Variants in ATP10B observed in about 807,000 individuals in gnomAD.
The protein encoded by ATP10B is phospholipid-transporting ATPase VB.
A neutral mutation model predicts 141.2 loss-of-function variants in ATP10B; 122 were observed. The ratio of observed to expected loss-of-function variants is 0.86; its 90% CI spans 0.75 to 1.00. The LOEUF (loss-of-function observed/expected upper bound fraction) is 1.00. ATP10B is among the 50% of genes least tolerant of loss of function. The probability of loss-of-function intolerance (pLI) is 0.00; values close to 1 mark genes in which losing one functional copy is unlikely to be tolerated. For missense variants in ATP10B, 1,876 were observed against 1,825.3 expected (o/e 1.03, Z -0.51); for synonymous variants, 685 against 692.0 (o/e 0.99, Z 0.16).
the ATP10B span, among the ~76,000 whole-genome samples, chr5:160,919,084 CATGGTGGCG>C: frequency 6.7e-6 from 1 of 150,030 alleles, no homozygotes; most frequent in Admixed American, 6.6e-5. Flanking sequence ...ATTAGCCGGG[CATGGTGGCG>C]CGCACCTGTA....
chr5:160,594,793 G>T (rs1581170306), intron 22 of ATP10B, among the ~76,000 whole-genome samples: 1 of 151,924 alleles, frequency 6.6e-6, no homozygotes, highest in African/African-American at 2.4e-5. Context: ...AGACAAAGAA[G>T]GCCATTACAT....
chr5:160,747,321 T>C (rs1767873048), intron 2 of ATP10B, among the ~76,000 whole-genome samples: 1 of 152,208 alleles, frequency 6.6e-6, no homozygotes, highest in Admixed American at 6.5e-5. Context: ...TCTACAGTGA[T>C]GTACTGAATT....
intron 1 of ATP10B, among the ~76,000 whole-genome samples, chr5:160,813,876 CT>C (rs1773367086): frequency 6.6e-6 from 1 of 152,240 alleles, no homozygotes; most frequent in Non-Finnish European, 1.5e-5. Context: ...CAAACAGGGT[CT>C]GGAGTGGACC....
At chr5:160,707,097 C>G (rs755672962) in intron 3 of ATP10B, among the ~76,000 whole-genome samples, 18 of 152,102 alleles carry the variant, frequency 1.2e-4, no homozygotes, top group African/African-American at 4.1e-4. Flanking sequence ...ATTACAGGCG[C>G]CTGCCACCAC....
At chr5:160,864,466 C>T in the ATP10B span, among the ~76,000 whole-genome samples, 1 of 151,996 alleles carries the variant, frequency 6.6e-6, no homozygotes, top group Non-Finnish European at 1.5e-5. Flanking sequence ...AAACCCACAG[C>T]CAGCATCATA....
At chr5:160,913,208 T>C in the ATP10B span, among the ~76,000 whole-genome samples, 2 of 152,254 alleles carry the variant, frequency 1.3e-5, no homozygotes, top group Non-Finnish European at 2.9e-5. Flanking sequence ...TGGTCCCAGC[T>C]CTGTGCTTTC....
intron 1 of ATP10B, among the ~76,000 whole-genome samples, chr5:160,800,273 A>G (rs1289883533): frequency 6.6e-6 from 1 of 152,228 alleles, no homozygotes; most frequent in East Asian, 1.9e-4. Context: ...AATCTCTCTA[A>G]GCCTCAGTTT....
intron 1 of ATP10B, among the ~76,000 whole-genome samples, chr5:160,845,822 G>A (rs2127990043): frequency 6.6e-6 from 1 of 152,042 alleles, no homozygotes; most frequent in East Asian, 1.9e-4. Flanking sequence ...CAAATATGAT[G>A]ACACCAAAGA....
chr5:160,585,315 T>C (rs1755814812), intron 24 of ATP10B, among the ~76,000 whole-genome samples: 1 of 152,238 alleles, frequency 6.6e-6, no homozygotes, highest in Non-Finnish European at 1.5e-5. Flanking sequence ...ATTCATTAGC[T>C]TGGTGGTTTC....
intron 1 of ATP10B, among the ~76,000 whole-genome samples, chr5:160,799,861 C>T (rs578140130): frequency 6.6e-6 from 1 of 152,172 alleles, no homozygotes; most frequent in Non-Finnish European, 1.5e-5. Flanking sequence ...GATGGATTCA[C>T]TCATAGTTCT....
chr5:160,838,508 C>T (rs1215560360), intron 1 of ATP10B, among the ~76,000 whole-genome samples: 1 of 152,120 alleles, frequency 6.6e-6, no homozygotes, highest in Admixed American at 6.6e-5. Context: ...AGAATTTTAG[C>T]TGGACCATTA....
intron 1 of ATP10B, among the ~76,000 whole-genome samples, chr5:160,823,782 T>C (rs1004937850): frequency 2.0e-5 from 3 of 151,918 alleles, no homozygotes; most frequent in African/African-American, 4.8e-5. Flanking sequence ...TGCAGTGAGC[T>C]GAGATCGCGG....
chr5:160,915,741 G>T, the ATP10B span, among the ~76,000 whole-genome samples: 3 of 152,180 alleles, frequency 2.0e-5, no homozygotes, highest in Non-Finnish European at 4.4e-5. Context: ...CTCTGGAGCT[G>T]TAGGGTTTGG....
At chr5:160,803,949 C>G (rs1047208404) in intron 1 of ATP10B, among the ~76,000 whole-genome samples, 2 of 151,932 alleles carry the variant, frequency 1.3e-5, no homozygotes, top group African/African-American at 4.8e-5. Context: ...AACGTTGCCC[C>G]TGTAGGATTC....
At chr5:160,756,597 A>G (rs1347576872) in intron 2 of ATP10B, among the ~76,000 whole-genome samples, 1 of 152,146 alleles carries the variant, frequency 6.6e-6, no homozygotes, top group Non-Finnish European at 1.5e-5. Context: ...TTGTGGTTCC[A>G]ATTTTCATTT....
intron 2 of ATP10B, among the ~76,000 whole-genome samples, chr5:160,766,345 C>CAG (rs1769415857): frequency 1.2e-5 from 1 of 85,444 alleles, no homozygotes; most frequent in Admixed American, 1.1e-4. Context: ...AGAACACACA[C>CAG]ACACACACAC....
At chr5:160,859,452 T>C in the ATP10B span, among the ~76,000 whole-genome samples, 1 of 151,816 alleles carries the variant, frequency 6.6e-6, no homozygotes, top group South Asian at 2.1e-4. Flanking sequence ...TTTATTCTGT[T>C]TGGGATTTCC....
At chr5:160,766,045 T>TA (rs899262976) in intron 2 of ATP10B, among the ~76,000 whole-genome samples, 8 of 151,550 alleles carry the variant, frequency 5.3e-5, no homozygotes, top group Admixed American at 2.0e-4. Flanking sequence ...CATTTAAAAA[T>TA]AAAAAAAATA....
chr5:160,634,011 T>C, intron 12 of ATP10B: 1 of 387,988 alleles, frequency 2.6e-6, no homozygotes. Context: ...TTCCTAAGCC[T>C]TGGTTGTGTG....
Sources: allele counts gnomAD v4.1 joint callset (sites outside exome capture counted in the v4.1 genomes callset), GRCh38; gene constraint gnomAD v4.1.1; transcripts MANE v1.5; gene names NCBI Gene and HGNC (gene_info 2026-07-23, HGNC 2026-07-21).